Variants in QTGAL observed in about 807,000 individuals in gnomAD.
QTGAL encodes the protein queuosine-tRNA galactosyltransferase.
chr17:83,044,986 G>A, the QTGAL span, among the ~76,000 whole-genome samples: 1 of 150,552 alleles, frequency 6.6e-6, no homozygotes, highest in African/African-American at 2.4e-5. Context: ...AAAAGGAGAA[G>A]CAAAACTATC....
At chr17:83,019,602 AGGCGGCGGG>A in the QTGAL span, among the ~76,000 whole-genome samples, 7 of 152,198 alleles carry the variant, frequency 4.6e-5, 1 homozygote, top group South Asian at 1.2e-3. Context: ...CTGGAGGCGG[AGGCGGCGGG>A]GGCTGCACAG....
chr17:82,999,862 GGT>G, the QTGAL span, among the ~76,000 whole-genome samples: 1 of 152,124 alleles, frequency 6.6e-6, no homozygotes, highest in Non-Finnish European at 1.5e-5. Flanking sequence ...ACTGTGTATG[GGT>G]CCTAGGGTGT....
the QTGAL span, chr17:83,006,789 C>T: frequency 1.7e-5 from 17 of 985,336 alleles, no homozygotes; most frequent in African/African-American, 5.2e-5. This position sits in a 1 kb window ranked among gnomAD's most constrained non-coding sequence, Gnocchi z 5.8. Context: ...CTGGCGATCC[C>T]GAACATTCAA....
the QTGAL span, chr17:82,957,155 G>T: frequency 6.2e-7 from 1 of 1,614,014 alleles, no homozygotes; most frequent in Non-Finnish European, 8.5e-7. Flanking sequence ...TTGACCCCAA[G>T]GGTGACACCA....
chr17:82,974,107 T>C, the QTGAL span, among the ~76,000 whole-genome samples: 1 of 152,212 alleles, frequency 6.6e-6, no homozygotes, highest in East Asian at 1.9e-4. Context: ...CTCCTGCCCC[T>C]TGGGCCTCCC....
chr17:82,984,841 G>A, the QTGAL span, among the ~76,000 whole-genome samples: 3 of 152,168 alleles, frequency 2.0e-5, no homozygotes, highest in African/African-American at 4.8e-5. Context: ...TCCCTTCTTG[G>A]TGAGTGCGGC....
At chr17:83,027,316 T>A in the QTGAL span, among the ~76,000 whole-genome samples, 1 of 152,222 alleles carries the variant, frequency 6.6e-6, no homozygotes, top group African/African-American at 2.4e-5. Context: ...TGGGACTGAA[T>A]ATTCACATGA....
the QTGAL span, among the ~76,000 whole-genome samples, chr17:82,962,303 A>G: frequency 6.6e-6 from 1 of 152,270 alleles, no homozygotes; most frequent in African/African-American, 2.4e-5. Flanking sequence ...TCCCTTTTAC[A>G]AAAACCACGA....
the QTGAL span, among the ~76,000 whole-genome samples, chr17:82,964,584 A>AC: frequency 1.5e-3 from 194 of 133,690 alleles, 1 homozygote; most frequent in African/African-American, 4.7e-3. Flanking sequence ...CTGCAGGTGC[A>AC]CCCCACGGGG....
At chr17:82,993,626 C>T in the QTGAL span, among the ~76,000 whole-genome samples, 2 of 152,018 alleles carry the variant, frequency 1.3e-5, no homozygotes. Context: ...GTGCTACAGA[C>T]CAAATGGACC....
the QTGAL span, among the ~76,000 whole-genome samples, chr17:82,969,355 C>CACTACATT: frequency 6.6e-6 from 1 of 151,890 alleles, no homozygotes; most frequent in African/African-American, 2.4e-5. Context: ...GACAGGGTTT[C>CACTACATT]GCTACATTGC....
At chr17:83,014,659 G>A in the QTGAL span, 2 of 889,220 alleles carry the variant, frequency 2.2e-6, no homozygotes, top group Non-Finnish European at 3.5e-6. Flanking sequence ...GGCTTCAACT[G>A]ATCCTCTCGC....
At chr17:82,950,308 T>C in the QTGAL span, among the ~76,000 whole-genome samples, 5 of 150,392 alleles carry the variant, frequency 3.3e-5, no homozygotes, top group South Asian at 8.3e-4. Context: ...TGCCCCAAGA[T>C]AGTAGTGACA....
the QTGAL span, among the ~76,000 whole-genome samples, chr17:82,958,816 GTGT>G: frequency 4.1e-5 from 5 of 122,688 alleles, no homozygotes; most frequent in South Asian, 3.5e-4. Context: ...TGTGTATACT[GTGT>G]GGGGGTGTAT....
chr17:82,942,443 C>T, the QTGAL span: 1 of 1,613,992 alleles, frequency 6.2e-7, no homozygotes, highest in Non-Finnish European at 8.5e-7. Context: ...CTTGTCTCTT[C>T]TTCAGCCTGG....
At chr17:82,972,759 A>G in the QTGAL span, among the ~76,000 whole-genome samples, 1 of 117,034 alleles carries the variant, frequency 8.5e-6, no homozygotes, top group Non-Finnish European at 1.6e-5. Context: ...AGGACCCAGT[A>G]CTGACCACAC....
the QTGAL span, among the ~76,000 whole-genome samples, chr17:82,964,753 CG>C: frequency 6.9e-4 from 74 of 107,328 alleles, no homozygotes; most frequent in African/African-American, 1.4e-3. Flanking sequence ...TGCACCCCCA[CG>C]GGGGGGACGG....
the QTGAL span, among the ~76,000 whole-genome samples, chr17:82,958,831 G>GTGTGTGTGTGTATACTGTGTGGGGGTGTA: frequency 2.0e-5 from 2 of 99,384 alleles, no homozygotes; most frequent in African/African-American, 7.7e-5. Context: ...GGGGTGTATG[G>GTGTGTGTGTGTATACTGTGTGGGGGTGTA]TGTGTGTGTG....
chr17:83,025,067 CAGTA>C, the QTGAL span, among the ~76,000 whole-genome samples: 2 of 152,252 alleles, frequency 1.3e-5, no homozygotes, highest in Middle Eastern at 3.4e-3. Flanking sequence ...GTGAACATCA[CAGTA>C]AGTGACAGTA....
Sources: gnomAD v4.1 joint callset for allele counts (sites outside exome capture counted in the v4.1 genomes callset) on GRCh38, gnomAD v4.1.1 for gene constraint, Gnocchi (gnomAD v3.1) non-coding constraint, MANE v1.5 for transcripts, NCBI Gene and HGNC (gene_info 2026-07-23, HGNC 2026-07-21) for gene names.